MAML3: variants seen among roughly 807,000 people sequenced by gnomAD.
MAML3 encodes mastermind-like protein 3.
A neutral mutation model predicts 101.9 loss-of-function variants in MAML3; 27 were observed. That is an observed-to-expected ratio of 0.27 (90% CI 0.20 to 0.37). MAML3 has a LOEUF of 0.37. MAML3 is among the 10% of genes least tolerant of loss of function. The probability of loss-of-function intolerance (pLI) is 1.00; values close to 1 mark genes in which losing one functional copy is unlikely to be tolerated. For synonymous variants in MAML3, 501 were observed against 555.9 expected, an observed-to-expected ratio of 0.90 and a Z score of 1.39; for missense variants, 1,316 against 1,444.9, an observed-to-expected ratio of 0.91 and a Z score of 1.45.
intron 1 of MAML3, among the ~76,000 whole-genome samples, chr4:139,898,202 T>C (rs77531616): frequency 1.8e-3 from 275 of 152,364 alleles, no homozygotes; most frequent in African/African-American, 6.3e-3. Context: ...GTTAGTGTAA[T>C]TGATCCCCAA....
At chr4:139,819,138 G>A (rs1730935300) in intron 2 of MAML3, among the ~76,000 whole-genome samples, 1 of 152,146 alleles carries the variant, frequency 6.6e-6, no homozygotes, top group Non-Finnish European at 1.5e-5. Flanking sequence ...GAAAAGGATG[G>A]ATAATTTCTG....
At chr4:139,746,604 G>A (rs116422202) in intron 2 of MAML3, among the ~76,000 whole-genome samples, 2,433 of 152,098 alleles carry the variant, frequency 0.016, 68 homozygotes, top group African/African-American at 0.056. Flanking sequence ...TGTCTCTCTC[G>A]CTCTGCGGGC....
intron 1 of MAML3, among the ~76,000 whole-genome samples, chr4:140,050,969 C>T (rs1040065075): frequency 6.6e-6 from 1 of 152,196 alleles, no homozygotes; most frequent in Admixed American, 6.5e-5. Flanking sequence ...TCTAGAAACT[C>T]CACTTCCAGT....
intron 2 of MAML3, among the ~76,000 whole-genome samples, chr4:139,733,848 T>A (rs1391282004): frequency 6.6e-6 from 1 of 152,118 alleles, no homozygotes; most frequent in East Asian, 1.9e-4. Flanking sequence ...CACCATGCCC[T>A]GCTAATTTTT....
chr4:139,812,214 T>C (rs1231166376), intron 2 of MAML3, among the ~76,000 whole-genome samples: 2 of 152,154 alleles, frequency 1.3e-5, no homozygotes, highest in Non-Finnish European at 2.9e-5. Flanking sequence ...GTTGTGCTAC[T>C]GCACTCTATC....
In MAML3 at chr4:139,772,035, C is replaced by G. The variant is rs534887261; in HGVS notation, c.2080-41368G>C. 4.1e-3 allele frequency among the ~76,000 whole-genome samples: 622 copies of G among 150,582 alleles called. 5 individuals are homozygous for G. Among genetic ancestry groups the G allele is most frequent in the African/African-American group, 0.014 (585 of 41,050 alleles). The stretch of plus-strand genomic sequence containing the variant: ...TGGGCGGATCACGAGGTCAGCAGAT[C>G]CAGACCATCCTGGCTAACACGGTGA... On this transcript the variant is annotated intron_variant, in intron 2 of 4. Transcript: ENST00000509479.
chr4:140,072,201 G>A (rs142439572), intron 1 of MAML3, among the ~76,000 whole-genome samples: 175 of 152,260 alleles, frequency 1.1e-3, no homozygotes, highest in Non-Finnish European at 2.0e-3. Context: ...TTCTGCATCT[G>A]TGGATTCAAC....
chr4:140,063,172 G>A (rs927976051), intron 1 of MAML3, among the ~76,000 whole-genome samples: 2 of 151,994 alleles, frequency 1.3e-5, no homozygotes, highest in South Asian at 2.1e-4. Context: ...ACTCAAGTTC[G>A]CTGGATTTCA....
At chr4:140,148,845 T>C (rs1356323631) in intron 1 of MAML3, among the ~76,000 whole-genome samples, 2 of 152,222 alleles carry the variant, frequency 1.3e-5, no homozygotes, top group Admixed American at 6.5e-5. Flanking sequence ...TGTGATAAGC[T>C]CTTCAGAACA....
At chr4:139,849,375 T>C (rs1731508802) in intron 2 of MAML3, among the ~76,000 whole-genome samples, 1 of 152,190 alleles carries the variant, frequency 6.6e-6, no homozygotes, top group African/African-American at 2.4e-5. Flanking sequence ...CCCTAGGAAC[T>C]TCCTGTAGAA....
At chr4:140,069,544 A>AGGAGGAGGAGGAGGGGAGGAGGAGGAGG (rs1201924691) in intron 1 of MAML3, among the ~76,000 whole-genome samples, 4 of 88,750 alleles carry the variant, frequency 4.5e-5, no homozygotes, top group African/African-American at 2.0e-4. Flanking sequence ...AGGAAGAAGA[A>AGGAGGAGGAGGAGGGGAGGAGGAGGAGG]GGAGGAGGAG....
intron 1 of MAML3, among the ~76,000 whole-genome samples, chr4:139,960,919 C>G (rs184323893): frequency 9.2e-5 from 14 of 152,276 alleles, no homozygotes; most frequent in Non-Finnish European, 1.5e-4. Context: ...TCTCTGTCAA[C>G]AGTAACCCAG....
chr4:139,923,225 G>C (rs1733158871), intron 1 of MAML3, among the ~76,000 whole-genome samples: 1 of 152,134 alleles, frequency 6.6e-6, no homozygotes, highest in African/African-American at 2.4e-5. Flanking sequence ...CCGGGATCCA[G>C]ACGGTGGAAG....
chr4:140,053,879 T>C (rs1727310054), intron 1 of MAML3, among the ~76,000 whole-genome samples: 1 of 152,188 alleles, frequency 6.6e-6, no homozygotes, highest in African/African-American at 2.4e-5. Context: ...CAAAAATCAC[T>C]CTTAGCACAT....
At chr4:139,855,806 A>G (rs914745034) in intron 2 of MAML3, among the ~76,000 whole-genome samples, 1 of 152,210 alleles carries the variant, frequency 6.6e-6, no homozygotes, top group Non-Finnish European at 1.5e-5. Flanking sequence ...TATGGCAGCA[A>G]AAAATTTTAT....
chr4:139,961,117 T>C (rs967294897), intron 1 of MAML3, among the ~76,000 whole-genome samples: 39 of 152,134 alleles, frequency 2.6e-4, no homozygotes, highest in African/African-American at 8.9e-4. Flanking sequence ...GCACTAGCCA[T>C]CCTCCCTGAA....
chr4:139,943,634 G>A (rs1223778598), intron 1 of MAML3, among the ~76,000 whole-genome samples: 1 of 152,146 alleles, frequency 6.6e-6, no homozygotes, highest in African/African-American at 2.4e-5. Context: ...AAAGAACCAG[G>A]ATGAAGAGTT....
chr4:140,013,819 T>C (rs1169623455), intron 1 of MAML3, among the ~76,000 whole-genome samples: 1 of 152,228 alleles, frequency 6.6e-6, no homozygotes, highest in East Asian at 1.9e-4. Context: ...GCACTGTGTT[T>C]TGGGTACCTA....
At chr4:140,009,827 T>G (rs974811606) in intron 1 of MAML3, among the ~76,000 whole-genome samples, 7 of 152,248 alleles carry the variant, frequency 4.6e-5, no homozygotes, top group African/African-American at 1.7e-4. Context: ...GGTACTTAGA[T>G]TCACAGGAAT....
Sources: gnomAD v4.1 joint callset for allele counts (sites outside exome capture counted in the v4.1 genomes callset) on GRCh38, gnomAD v4.1.1 for gene constraint, MANE v1.5 for transcripts, NCBI Gene and HGNC (gene_info 2026-07-23, HGNC 2026-07-21) for gene names.